LIMCH1: variants seen among roughly 807,000 people sequenced by gnomAD.
LIMCH1 encodes LIM and calponin homology domains 1.
A neutral mutation model predicts 176.5 loss-of-function variants in LIMCH1; 113 were observed. The ratio of observed to expected loss-of-function variants is 0.64; its 90% confidence interval spans 0.55 to 0.75. LIMCH1 has a LOEUF of 0.75. Ranked by LOEUF, LIMCH1 falls within the 30% of genes least tolerant of loss-of-function variation. The probability of loss-of-function intolerance (pLI) is 0.00; values close to 1 mark genes in which losing one functional copy is unlikely to be tolerated. For synonymous variants in LIMCH1, 619 were observed against 645.9 expected, an observed-to-expected ratio of 0.96 and a Z score of 0.63; for missense variants, 1,674 against 1,814.9, an observed-to-expected ratio of 0.92 and a Z score of 1.41.
intron 1 of LIMCH1, among the ~76,000 whole-genome samples, chr4:41,467,954 C>T (rs962118171): frequency 2.6e-5 from 4 of 152,186 alleles, no homozygotes; most frequent in South Asian, 2.1e-4. Context: ...ATTCAAAAGA[C>T]GGTGCTTGCC....
intron 1 of LIMCH1, among the ~76,000 whole-genome samples, chr4:41,463,863 G>A (rs2065732849): frequency 6.6e-6 from 1 of 152,002 alleles, no homozygotes; most frequent in South Asian, 2.1e-4. Context: ...ACAAGCATGA[G>A]CCACTGTGCC....
intron 4 of LIMCH1, among the ~76,000 whole-genome samples, chr4:41,608,775 C>G (rs1244188137): frequency 6.6e-6 from 1 of 152,102 alleles, no homozygotes; most frequent in African/African-American, 2.4e-5. Context: ...TTCAGCTGAA[C>G]AAAGAGGATT....
intron 1 of LIMCH1, among the ~76,000 whole-genome samples, chr4:41,424,579 T>C (rs1005056558): frequency 6.6e-6 from 1 of 152,056 alleles, no homozygotes; most frequent in African/African-American, 2.4e-5. Flanking sequence ...TCCAAACATA[T>C]CATTTTTTTT....
At chr4:41,464,225 C>A (rs1046162471) in intron 1 of LIMCH1, among the ~76,000 whole-genome samples, 4 of 151,716 alleles carry the variant, frequency 2.6e-5, no homozygotes, top group Admixed American at 2.0e-4. Context: ...TCCTGTCCCT[C>A]ACACTTGCCC....
chr4:41,570,455 G>T (rs1561785369), intron 1 of LIMCH1, among the ~76,000 whole-genome samples: 1 of 152,164 alleles, frequency 6.6e-6, no homozygotes, highest in East Asian at 1.9e-4. Context: ...TTCCTTCAGT[G>T]ATATGTTTTG....
At position 41,547,708 on chromosome 4, in the gene LIMCH1, G is replaced by A. The variant is rs548392882; in HGVS notation, c.-241+9358G>A. ...GTATGTTATATATACATATATAATA[G>A]TATACACATATATACATATATAATA... On this transcript the variant is annotated intron_variant, in intron 1 of 31. Transcript: ENST00000503057. Among the ~76,000 whole-genome samples the A allele has an allele frequency of 4.0e-3, 554 of 138,018 alleles. 6 individuals carry two copies. Among genetic ancestry groups the A allele is most frequent in the African/African-American group, 0.014 (539 of 37,192 alleles). The allele number at this position is 138,018 out of a possible 152,430, so 90.5% of individuals were successfully genotyped here. A position where few individuals can be genotyped will look rare whatever the true frequency, so the allele number is the denominator to read the frequency against.
intron 1 of LIMCH1, among the ~76,000 whole-genome samples, chr4:41,437,081 A>C (rs1225133020): frequency 6.6e-6 from 1 of 152,248 alleles, no homozygotes; most frequent in Non-Finnish European, 1.5e-5. Flanking sequence ...CTTTAAAATA[A>C]AAGTAAATCC....
rs1408583169 is a variant in LIMCH1, at chr4:41,646,656, A to G, written c.2583A>G (p.Leu861=). The part of the protein sequence containing the change: ...LERSHSTEPN[L]SSFLNDPNPM... ...GAAGCCATTCAACAGAGCCAAATTTATCCTCCTTCCTGAATGACCCCAATC... is the reference window on the plus strand; with the variant it reads ...GAAGCCATTCAACAGAGCCAAATTTGTCCTCCTTCCTGAATGACCCCAATC... Residue 861 remains leucine (L), a synonymous_variant, in exon 17 of 32, where the codon TTA becomes TTG. Coordinates refer to ENST00000503057, the MANE Select transcript of LIMCH1 (RefSeq NM_001330672.2). The G allele has an allele frequency of 6.2e-7, 1 of 1,614,246 alleles. No homozygotes were observed. Among genetic ancestry groups the G allele is most frequent in the Non-Finnish European group, 8.5e-7 (1 of 1,180,050 alleles).
intron 1 of LIMCH1, among the ~76,000 whole-genome samples, chr4:41,553,989 G>C (rs1345345720): frequency 6.6e-6 from 1 of 152,162 alleles, no homozygotes; most frequent in Non-Finnish European, 1.5e-5. Context: ...GAGAAGCTGT[G>C]GTGTGGTGGC....
intron 1 of LIMCH1, among the ~76,000 whole-genome samples, chr4:41,419,658 T>TTTCTTCC (rs2060377356): frequency 7.4e-5 from 6 of 80,686 alleles, no homozygotes; most frequent in African/African-American, 3.6e-4. Flanking sequence ...TCCTCCTTCC[T>TTTCTTCC]TCCTTCCTTC....
chr4:41,618,953 T>A (rs2092352397), intron 5 of LIMCH1, among the ~76,000 whole-genome samples: 1 of 152,208 alleles, frequency 6.6e-6, no homozygotes. Context: ...TAGGCTTATG[T>A]CTGTAGTTTT....
At chr4:41,518,221 G>A (rs2075781173) in intron 2 of LIMCH1, among the ~76,000 whole-genome samples, 1 of 152,026 alleles carries the variant, frequency 6.6e-6, no homozygotes, top group Non-Finnish European at 1.5e-5. Flanking sequence ...TAACATATAA[G>A]CTGCCCATTG....
chr4:41,630,963 A>C (rs1288001755), intron 9 of LIMCH1, among the ~76,000 whole-genome samples, 185 bp from the exon 10 acceptor site: 1 of 152,122 alleles, frequency 6.6e-6, no homozygotes, highest in African/African-American at 2.4e-5. Flanking sequence ...TGCTTTTTGA[A>C]ACTTTGTGGA....
chr4:41,627,151 CT>C, intron 8 of LIMCH1, 141 bp downstream of exon 8: 1 of 1,157,888 alleles, frequency 8.6e-7, no homozygotes, highest in East Asian at 2.6e-5. Context: ...ATTATATGTA[CT>C]TTGTAATGGG....
chr4:41,600,477 T>C (rs982576631), intron 2 of LIMCH1, among the ~76,000 whole-genome samples: 1 of 152,198 alleles, frequency 6.6e-6, no homozygotes, highest in Admixed American at 6.5e-5. Context: ...ACTTTGAAAG[T>C]GTCTGCAGCT....
chr4:41,430,172 A>AT (rs1050831039), intron 1 of LIMCH1, among the ~76,000 whole-genome samples: 17 of 152,330 alleles, frequency 1.1e-4, no homozygotes, highest in Admixed American at 5.9e-4. Context: ...GAGAAATTAT[A>AT]TTTTTTGGGG....
At chr4:41,686,184 C>T (rs1437886609) in intron 28 of LIMCH1, among the ~76,000 whole-genome samples, 1 of 152,140 alleles carries the variant, frequency 6.6e-6, no homozygotes, top group African/African-American at 2.4e-5. Flanking sequence ...ATGTTATTCT[C>T]TCATTATTAT....
chr4:41,368,594 T>A (rs1318770006), intron 1 of LIMCH1, among the ~76,000 whole-genome samples: 2 of 152,156 alleles, frequency 1.3e-5, no homozygotes, highest in Admixed American at 1.3e-4. Context: ...TGATGATGAT[T>A]TATTGAGAAA....
In LIMCH1 at chr4:41,650,555, G is replaced by A. The variant is rs757411522; in HGVS notation, c.2983G>A (p.Gly995Ser). ...GSPLELKQDNGSIEINIKKPN... is the reference protein window; with the variant it reads ...GSPLELKQDNSSIEINIKKPN... ...TCCACTGGAGCTGAAACAAGACAACGGTAGCATCGAGATCAACATAAAGAA... is the reference window on the plus strand; with the variant it reads ...TCCACTGGAGCTGAAACAAGACAACAGTAGCATCGAGATCAACATAAAGAA... The change falls in exon 18 of 32, where the codon GGT becomes AGT. Residue 995 changes from glycine (G) to serine (S), a missense_variant. Physicochemically the swap from Gly to Ser is moderately conservative, Grantham distance 56 (BLOSUM62 0). Coordinates refer to ENST00000503057, the MANE Select transcript of LIMCH1 (RefSeq NM_001330672.2). 3.3e-5 allele frequency: 54 copies of A among 1,613,852 alleles called. No individual in the cohort carries two copies. Among genetic ancestry groups the A allele is most frequent in the South Asian group, 5.5e-5 (5 of 91,074 alleles).
Sources: allele counts gnomAD v4.1 joint callset (sites outside exome capture counted in the v4.1 genomes callset), GRCh38; gene constraint gnomAD v4.1.1; transcripts MANE v1.5; gene names NCBI Gene and HGNC (gene_info 2026-07-23, HGNC 2026-07-21).